Variants in GAP43 observed in about 807,000 individuals in gnomAD.
The protein encoded by GAP43 is neuromodulin.
A neutral mutation model predicts 18.6 loss-of-function variants in GAP43; 6 were observed. That is an observed-to-expected ratio of 0.32 (90% CI 0.18 to 0.64). GAP43 has a LOEUF of 0.64. Ranked by LOEUF, GAP43 falls within the 30% of genes least tolerant of loss-of-function variation. GAP43 has a pLI of 0.78. For synonymous variants in GAP43, 115 were observed against 111.4 expected (o/e 1.03, Z -0.20); for missense variants, 292 against 295.5 (o/e 0.99, Z 0.09).
chr3:115,655,001 C>G (rs1396373579), intron 1 of GAP43, among the ~76,000 whole-genome samples: 1 of 152,138 alleles, frequency 6.6e-6, no homozygotes, highest in Non-Finnish European at 1.5e-5. Context: ...TTAAAAATTT[C>G]TAGTGATACT....
chr3:115,663,071 C>T (rs1708685991), intron 1 of GAP43, among the ~76,000 whole-genome samples: 1 of 152,102 alleles, frequency 6.6e-6, no homozygotes, highest in Non-Finnish European at 1.5e-5. Context: ...TGTGCTGCTG[C>T]TTTGTACCAT....
chr3:115,631,279 C>T (rs1235225908), intron 1 of GAP43, among the ~76,000 whole-genome samples: 5 of 152,146 alleles, frequency 3.3e-5, no homozygotes, highest in African/African-American at 1.2e-4. Flanking sequence ...GGTTCTAGAC[C>T]TGGTTCTGCC....
At chr3:115,697,910 T>C (rs1272695795) in intron 2 of GAP43, among the ~76,000 whole-genome samples, 2 of 148,182 alleles carry the variant, frequency 1.3e-5, no homozygotes, top group Non-Finnish European at 3.0e-5. Context: ...TAACTCAATG[T>C]GATTGGAACG....
intron 2 of GAP43, among the ~76,000 whole-genome samples, chr3:115,679,189 A>G (rs1010800152): frequency 6.6e-6 from 1 of 152,126 alleles, no homozygotes; most frequent in African/African-American, 2.4e-5. Flanking sequence ...AGAGGGTGCA[A>G]CAGGGTTAAG....
At chr3:115,709,252 A>G (rs762111417) in intron 2 of GAP43, among the ~76,000 whole-genome samples, 3 of 152,150 alleles carry the variant, frequency 2.0e-5, no homozygotes, top group Non-Finnish European at 4.4e-5. Context: ...TTTTGCAGCG[A>G]GAGTTCTTTA....
At chr3:115,657,518 C>T (rs766306710) in intron 1 of GAP43, among the ~76,000 whole-genome samples, 57 of 152,166 alleles carry the variant, frequency 3.7e-4, no homozygotes, top group Non-Finnish European at 6.9e-4. Context: ...ATGCTAGGAG[C>T]TGCTGTTAAA....
chr3:115,717,485 T>A (rs1709524263), intron 2 of GAP43, among the ~76,000 whole-genome samples: 1 of 151,992 alleles, frequency 6.6e-6, no homozygotes, highest in South Asian at 2.1e-4. Flanking sequence ...ACTTTTATAT[T>A]TTTAGTAGCG....
At chr3:115,681,924 AC>A (rs1187394387) in intron 2 of GAP43, among the ~76,000 whole-genome samples, 1 of 152,242 alleles carries the variant, frequency 6.6e-6, no homozygotes, top group Admixed American at 6.5e-5. Context: ...CTGAGAGGTC[AC>A]ATGCTGAACC....
intron 1 of GAP43, among the ~76,000 whole-genome samples, chr3:115,636,459 A>C (rs1040135263): frequency 6.6e-6 from 1 of 152,096 alleles, no homozygotes; most frequent in African/African-American, 2.4e-5. Context: ...CTAAGGCCCT[A>C]ATGTCCATAT....
rs80089297 is a variant in GAP43, at chr3:115,659,846, A to C, written c.31-16167A>C. 4.1e-3 allele frequency among the ~76,000 whole-genome samples: 622 copies of C among 152,282 alleles called. 2 individuals are homozygous for C. Among genetic ancestry groups the C allele is most frequent in the African/African-American group, 0.014 (588 of 41,566 alleles). On this transcript the variant is annotated intron_variant, in intron 1 of 2. Coordinates refer to ENST00000305124, the MANE Select transcript of GAP43 (RefSeq NM_002045.4). ...TTTCTTTTTAAATAGGTTGAAGCCAACTGTGGTAGAGGATAACAGTGATTC... is the reference window on the plus strand; with the variant it reads ...TTTCTTTTTAAATAGGTTGAAGCCACCTGTGGTAGAGGATAACAGTGATTC...
At chr3:115,673,096 T>C (rs1160902054) in intron 1 of GAP43, among the ~76,000 whole-genome samples, 2 of 152,108 alleles carry the variant, frequency 1.3e-5, no homozygotes, top group Non-Finnish European at 2.9e-5. Flanking sequence ...TTAAGTGAGG[T>C]TTGTCTCACA....
chr3:115,696,586 C>CG (rs891950120), intron 2 of GAP43, among the ~76,000 whole-genome samples: 1 of 128,422 alleles, frequency 7.8e-6, no homozygotes, highest in African/African-American at 3.0e-5. Context: ...CCGCCCCCCC[C>CG]CCCCACAAAC....
chr3:115,698,118 ATATATT>A (rs1559804228), intron 2 of GAP43, among the ~76,000 whole-genome samples: 528 of 15,278 alleles, frequency 0.035, 30 homozygotes, highest in African/African-American at 0.054. Flanking sequence ...AATATATAAT[ATATATT>A]ATATATAATA....
intron 1 of GAP43, among the ~76,000 whole-genome samples, chr3:115,639,822 G>T (rs963173361): frequency 2.0e-5 from 3 of 152,016 alleles, no homozygotes; most frequent in Non-Finnish European, 4.4e-5. Context: ...ATCTGGGAAG[G>T]AATGGGCTTC....
At chr3:115,639,091 TATGAG>T (rs1487533615) in intron 1 of GAP43, among the ~76,000 whole-genome samples, 1 of 152,068 alleles carries the variant, frequency 6.6e-6, no homozygotes, top group Non-Finnish European at 1.5e-5. Flanking sequence ...CAGTGAGTAG[TATGAG>T]ATGGCAAAAT....
intron 1 of GAP43, among the ~76,000 whole-genome samples, chr3:115,637,096 G>A (rs1708338672): frequency 6.6e-6 from 1 of 152,062 alleles, no homozygotes; most frequent in Non-Finnish European, 1.5e-5. Flanking sequence ...TATCTCATTT[G>A]TGAGGGCTTT....
At chr3:115,676,819 G>A (rs1351788669) in intron 2 of GAP43, among the ~76,000 whole-genome samples, 1 of 152,188 alleles carries the variant, frequency 6.6e-6, no homozygotes, top group Non-Finnish European at 1.5e-5. Context: ...CTACCAGAGA[G>A]GACTCAGGCA....
intron 1 of GAP43, among the ~76,000 whole-genome samples, chr3:115,627,440 G>T (rs1382789330): frequency 1.3e-5 from 2 of 151,830 alleles, no homozygotes; most frequent in Non-Finnish European, 1.5e-5. Flanking sequence ...CAGTACTCCT[G>T]TTCACCGAGA....
rs763636093 is a variant in GAP43, at chr3:115,676,022, A to T, written c.40A>T (p.Asn14Tyr). The T allele has an allele frequency of 6.3e-7, 1 of 1,595,920 alleles. No homozygotes were observed. The highest frequency in any genetic ancestry group is 2.2e-5 in the East Asian group (1 of 44,688). The change falls in exon 2 of 3, where the codon AAT becomes TAT. Residue 14 changes from asparagine to tyrosine, a missense_variant. Physicochemically the swap from Asn to Tyr is moderately radical, Grantham distance 143. Coordinates refer to ENST00000305124, the MANE Select transcript of GAP43 (RefSeq NM_002045.4). ...CMRRTKQVEKNDDDQKIEQDG... is the reference protein window; with the variant it reads ...CMRRTKQVEKYDDDQKIEQDG... ...TCTTTTCTCGACAAAGGTTGAAAAA[A>T]ATGATGACGACCAAAAGATTGAACA...
Sources: allele counts gnomAD v4.1 joint callset (sites outside exome capture counted in the v4.1 genomes callset), GRCh38; gene constraint gnomAD v4.1.1; transcripts MANE v1.5; gene names NCBI Gene and HGNC (gene_info 2026-07-23, HGNC 2026-07-21).